SOX5: variants seen among roughly 807,000 people sequenced by gnomAD.
SOX5 encodes the protein SRY-box transcription factor 5.
Under a neutral mutation model 92.0 loss-of-function variants are expected in SOX5, and 9 were observed. The ratio of observed to expected loss-of-function variants is 0.10; its 90% CI spans 0.06 to 0.17. SOX5 has a LOEUF of 0.17. Ranked by LOEUF, SOX5 falls within the 10% of genes least tolerant of loss-of-function variation. SOX5 has a pLI of 1.00. For missense variants in SOX5, 642 were observed against 944.5 expected (o/e 0.68, Z 4.20); for synonymous variants, 344 against 336.3 (o/e 1.02, Z -0.25).
At chr12:24,004,251 C>T (rs762278935) in intron 4 of SOX5, among the ~76,000 whole-genome samples, 14 of 149,652 alleles carry the variant, frequency 9.4e-5, no homozygotes, top group Admixed American at 3.3e-4. Context: ...ATGACACACA[C>T]GCACATAAAA....
At chr12:23,658,488 C>T (rs1351993947) in intron 7 of SOX5, among the ~76,000 whole-genome samples, 2 of 152,164 alleles carry the variant, frequency 1.3e-5, no homozygotes, top group Non-Finnish European at 2.9e-5. Context: ...CAAATATAAA[C>T]ATTTACAAAG....
At chr12:24,465,513 C>T (rs537017061) in intron 1 of SOX5, among the ~76,000 whole-genome samples, 59 of 152,248 alleles carry the variant, frequency 3.9e-4, no homozygotes, top group African/African-American at 1.3e-3. Context: ...TTCTTGCTTT[C>T]GTAGTGCTTG....
At position 24,497,216 on chromosome 12, in the gene SOX5, C is replaced by T. The variant is rs1418752826; in HGVS notation, c.-251+65113G>A. 4.6e-5 allele frequency among the ~76,000 whole-genome samples: 7 copies of T among 152,170 alleles called. No individual in the cohort carries two copies. In the South Asian group the frequency reaches 8.3e-4, roughly 18 times the overall value. On this transcript the variant is annotated intron_variant, in intron 1 of 4. Transcript: ENST00000446891. The stretch of plus-strand genomic sequence containing the variant: ...TAGATTGTTACTGTTTACCAAATGG[C>T]TGCATCTCTCTCTCCAAAAATACTA...
intron 9 of SOX5, among the ~76,000 whole-genome samples, chr12:23,595,397 C>A (rs546239533): frequency 6.6e-6 from 1 of 151,942 alleles, no homozygotes; most frequent in African/African-American, 2.4e-5. Context: ...CCGAGGCCGG[C>A]GGATCATGAG....
rs12229376 is a variant in SOX5 at position 23,976,502 on chromosome 12, G to T, written c.-1-80478C>A. Among the ~76,000 whole-genome samples the T allele has an allele frequency of 0.036, 5,414 of 151,292 alleles. 532 individuals carry two copies. The East Asian group carries it at 0.39, about 11-fold the overall frequency. Reference sequence around the variant, plus strand: ...AGTAGAGCCCAAGAAACAAATCCAGGGATTGGCCTAATTTTAGTTATTTTA... The same window carrying T: ...AGTAGAGCCCAAGAAACAAATCCAGTGATTGGCCTAATTTTAGTTATTTTA... On this transcript the variant is annotated intron_variant, in intron 4 of 4. Transcript: ENST00000446891.
At chr12:23,588,394 G>T (rs932054671) in intron 9 of SOX5, among the ~76,000 whole-genome samples, 11 of 152,060 alleles carry the variant, frequency 7.2e-5, no homozygotes, top group African/African-American at 2.6e-4. Flanking sequence ...GGAATTGCAA[G>T]ATTGATTTAT....
intron 4 of SOX5, among the ~76,000 whole-genome samples, chr12:24,186,374 G>GCCACAAT (rs1441084341): frequency 1.3e-5 from 2 of 152,132 alleles, no homozygotes; most frequent in African/African-American, 4.8e-5. Context: ...CTTTACACAA[G>GCCACAAT]CCACAATCTT....
chr12:24,021,204 A>C (rs2136681989), intron 4 of SOX5, among the ~76,000 whole-genome samples: 1 of 152,330 alleles, frequency 6.6e-6, no homozygotes, highest in South Asian at 2.1e-4. Context: ...AGAAGGTATC[A>C]GAAGGCAAGG....
chr12:24,388,346 C>A (rs1405341790), intron 1 of SOX5, among the ~76,000 whole-genome samples: 1 of 148,604 alleles, frequency 6.7e-6, no homozygotes, highest in Non-Finnish European at 1.5e-5. Flanking sequence ...CTGTTCCAGG[C>A]TTCTGATTGG....
chr12:23,762,910 T>C (rs1474233863), intron 3 of SOX5, among the ~76,000 whole-genome samples: 2 of 152,180 alleles, frequency 1.3e-5, no homozygotes, highest in Non-Finnish European at 2.9e-5. Flanking sequence ...ATTATTCATA[T>C]GTGATAGAAA....
At chr12:24,068,729 TATATATATATATATATATACAC>T (rs1477335925) in intron 4 of SOX5, among the ~76,000 whole-genome samples, 4 of 99,154 alleles carry the variant, frequency 4.0e-5, no homozygotes, top group Admixed American at 9.8e-5. Context: ...TATATATATA[TATATATATATATATATATACAC>T]ACACACACAT....
At chr12:24,436,037 G>C (rs1226116917) in intron 1 of SOX5, among the ~76,000 whole-genome samples, 1 of 152,152 alleles carries the variant, frequency 6.6e-6, no homozygotes, top group Non-Finnish European at 1.5e-5. Context: ...TGTGTGCTCT[G>C]ACTGCTCCAC....
At position 24,364,330 on chromosome 12, in the gene SOX5, C is replaced by T. The variant is rs563565628; in HGVS notation, c.-174+4233G>A. On this transcript the variant is annotated intron_variant, in intron 2 of 4. Coordinates refer to the SOX5 transcript ENST00000446891. ...GTCTTATCTGAAACTCACACCTACA[C>T]AGCCAAATTGGACATCACATAAGAA... 1.8e-4 allele frequency among the ~76,000 whole-genome samples: 27 copies of T among 152,006 alleles called. No individual in the cohort carries two copies. The South Asian group carries it at 5.4e-3, about 30-fold the overall frequency.
At chr12:24,551,046 T>C (rs1953103444) in intron 1 of SOX5, among the ~76,000 whole-genome samples, 1 of 152,168 alleles carries the variant, frequency 6.6e-6, no homozygotes, top group Admixed American at 6.5e-5. Context: ...CAAACATTCT[T>C]CCCCTCAAGA....
chr12:23,838,260 T>C (rs147812360), intron 3 of SOX5, among the ~76,000 whole-genome samples: 3 of 149,770 alleles, frequency 2.0e-5, no homozygotes, highest in African/African-American at 7.3e-5. Flanking sequence ...ATTCTACTAT[T>C]CTTTTTTATG....
At chr12:24,328,388 A>G (rs1950946179) in intron 2 of SOX5, among the ~76,000 whole-genome samples, 1 of 152,220 alleles carries the variant, frequency 6.6e-6, no homozygotes, top group Non-Finnish European at 1.5e-5. Flanking sequence ...TTTCAAACCC[A>G]CTTCCTATTT....
intron 1 of SOX5, among the ~76,000 whole-genome samples, chr12:23,935,615 C>A (rs1189230998): frequency 2.0e-5 from 3 of 151,020 alleles, no homozygotes; most frequent in Non-Finnish European, 3.0e-5. Context: ...TACCAAGAAA[C>A]CCTTTACGTA....
chr12:23,653,065 TGGA>T (rs1566731730), intron 7 of SOX5, among the ~76,000 whole-genome samples: 1 of 151,744 alleles, frequency 6.6e-6, no homozygotes, highest in Non-Finnish European at 1.5e-5. Context: ...GATGGATGGA[TGGA>T]TGGATGGGTG....
chr12:23,962,095 A>G (rs1417266829), intron 4 of SOX5, among the ~76,000 whole-genome samples: 2 of 152,192 alleles, frequency 1.3e-5, no homozygotes, highest in African/African-American at 4.8e-5. Flanking sequence ...GAAATATTAC[A>G]CTGAAGTGTG....
Sources: gnomAD v4.1 joint callset for allele counts (sites outside exome capture counted in the v4.1 genomes callset) on GRCh38, gnomAD v4.1.1 for gene constraint, MANE v1.5 for transcripts, NCBI Gene and HGNC (gene_info 2026-07-23, HGNC 2026-07-21) for gene names.